The following TRIO variants were observed in gnomAD, a reference collection of about 807,000 sequenced individuals.
TRIO encodes trio Rho guanine nucleotide exchange factor, also known as triple functional domain protein.
Under a neutral mutation model 351.9 loss-of-function variants are expected in TRIO, and 58 were observed. The ratio of observed to expected loss-of-function variants is 0.16; its 90% CI spans 0.13 to 0.21. The LOEUF is 0.21. TRIO is among the 10% of genes least tolerant of loss of function. The pLI is 1.00. For missense variants in TRIO, 3,201 were observed against 4,027.8 expected (o/e 0.79, Z 5.56); for synonymous variants, 1,758 against 1,595.7 (o/e 1.10, Z -2.42).
chr5:14,239,558 G>A (rs58416714), intron 1 of TRIO, among the ~76,000 whole-genome samples: 1 of 152,160 alleles, frequency 6.6e-6, no homozygotes, highest in East Asian at 1.9e-4. Context: ...TTTGATCCTC[G>A]CTGACCTCAT....
intron 1 of TRIO, among the ~76,000 whole-genome samples, chr5:14,241,523 T>C (rs1396713410): frequency 6.6e-6 from 1 of 152,220 alleles, no homozygotes; most frequent in Non-Finnish European, 1.5e-5. Flanking sequence ...GACTAAAACA[T>C]GTGCTTTAAA....
chr5:14,398,738 A>ACCC (rs1747821636), intron 29 of TRIO, 142 bp from the exon 30 acceptor site: 1 of 723,324 alleles, frequency 1.4e-6, no homozygotes, highest in African/African-American at 1.8e-5. Flanking sequence ...AGTGGCGTCG[A>ACCC]GTCAGGATCA....
At chr5:14,254,828 CT>C (rs1049219064) in intron 1 of TRIO, among the ~76,000 whole-genome samples, 1 of 152,178 alleles carries the variant, frequency 6.6e-6, no homozygotes, top group Non-Finnish European at 1.5e-5. Flanking sequence ...ACCCAGACCA[CT>C]TGGAGGTTGG....
At position 14,409,562 on chromosome 5, in the gene TRIO, C is replaced by T. The variant is rs536739913; in HGVS notation, c.4959+2890C>T. Among the ~76,000 whole-genome samples the T allele has an allele frequency of 4.0e-5, 6 of 151,828 alleles. 1 individual carries two copies. The highest frequency in any genetic ancestry group is 2.1e-4 in the South Asian group (1 of 4,790). On this transcript the variant is annotated intron_variant, in intron 33 of 56. Transcript: ENST00000344204. ...ATCCCTGAAGGGTCGGCTGAGCACG[C>T]GGTGGCTCACGCCTGTAATCCCAGC...
intron 11 of TRIO, among the ~76,000 whole-genome samples, chr5:14,342,154 G>A (rs1039896072): frequency 3.9e-5 from 6 of 152,204 alleles, no homozygotes; most frequent in South Asian, 2.1e-4. Context: ...CACTGGGGCC[G>A]GGGGAGGGTT....
chr5:14,311,891 C>T (rs1738962020), intron 8 of TRIO, among the ~76,000 whole-genome samples: 1 of 152,090 alleles, frequency 6.6e-6, no homozygotes, highest in Admixed American at 6.6e-5. Flanking sequence ...TGTATTTTGC[C>T]TGTTTTTGTT....
At chr5:14,346,212 G>A (rs1332526661) in intron 11 of TRIO, among the ~76,000 whole-genome samples, 2 of 152,172 alleles carry the variant, frequency 1.3e-5, no homozygotes, top group Non-Finnish European at 2.9e-5. Context: ...GATCAAGGAA[G>A]GGTTGAGCTT....
chr5:14,180,100 CAAAAAAAAAA>C (rs70964542), intron 1 of TRIO, among the ~76,000 whole-genome samples: 15 of 27,746 alleles, frequency 5.4e-4, no homozygotes, highest in African/African-American at 1.4e-3. Flanking sequence ...GACTCCTGCT[CAAAAAAAAAA>C]AAAAAAAAAA....
chr5:14,375,891 T>G (rs1745517875), intron 19 of TRIO, among the ~76,000 whole-genome samples: 1 of 152,230 alleles, frequency 6.6e-6, no homozygotes, highest in South Asian at 2.1e-4. Flanking sequence ...TTTTAATTTA[T>G]CTCACTGTGC....
intron 1 of TRIO, among the ~76,000 whole-genome samples, chr5:14,232,170 G>T (rs1307482257): frequency 6.6e-6 from 1 of 152,138 alleles, no homozygotes; most frequent in Non-Finnish European, 1.5e-5. Flanking sequence ...GCTGGTAGGG[G>T]CAGAGTTTGT....
chr5:14,225,788 T>TTCCCCCCCCC (rs1792956751), intron 1 of TRIO, among the ~76,000 whole-genome samples: 3 of 45,960 alleles, frequency 6.5e-5, no homozygotes, highest in African/African-American at 7.3e-5. Flanking sequence ...TATTCACTGC[T>TTCCCCCCCCC]CCCACCCCCC....
chr5:14,211,964 C>A (rs72742602), intron 1 of TRIO, among the ~76,000 whole-genome samples: 51 of 148,338 alleles, frequency 3.4e-4, no homozygotes, highest in South Asian at 6.4e-4. Context: ...AAAAAAAAAC[C>A]AAAAAAACAA....
chr5:14,498,558 C>T lies in TRIO; in HGVS notation c.8250C>T (p.Thr2750=). Residue 2750 remains threonine (T), a synonymous_variant, in exon 53 of 57, where the codon ACC becomes ACT. Transcript: ENST00000344204. ...GEATLKIVGV[T]TEDDGIYTCI... ...CCACGCTGAAGATTGTGGGCGTGAC[C>T]ACGGAAGATGACGGCATCTACACGT... 1 of 1,613,732 alleles carries T rather than the reference C, an allele frequency of 6.2e-7. No homozygotes were observed. The highest frequency in any genetic ancestry group is 8.5e-7 in the Non-Finnish European group (1 of 1,179,870).
chr5:14,357,234 G>A (rs188752639), intron 11 of TRIO, among the ~76,000 whole-genome samples: 1 of 152,310 alleles, frequency 6.6e-6, no homozygotes, highest in Admixed American at 6.5e-5. Context: ...GGGAGGTCCC[G>A]ACTTGCCCCA....
At chr5:14,493,704 A>G (rs1756663653) in intron 49 of TRIO, among the ~76,000 whole-genome samples, 1 of 152,262 alleles carries the variant, frequency 6.6e-6, no homozygotes, top group South Asian at 2.1e-4. Context: ...ACTTTAAATC[A>G]AAAGCCAGAA....
At chr5:14,242,878 A>G (rs1268784597) in intron 1 of TRIO, among the ~76,000 whole-genome samples, 1 of 152,220 alleles carries the variant, frequency 6.6e-6, no homozygotes, top group Non-Finnish European at 1.5e-5. Context: ...TGGAGGATAA[A>G]CCAGAAATGG....
At chr5:14,193,533 T>C (rs1790573741) in intron 1 of TRIO, among the ~76,000 whole-genome samples, 1 of 152,208 alleles carries the variant, frequency 6.6e-6, no homozygotes, top group Non-Finnish European at 1.5e-5. Context: ...ATGTTCAAAA[T>C]AGTGTTTTCA....
chr5:14,235,176 T>G (rs1305967508), intron 1 of TRIO, among the ~76,000 whole-genome samples: 2 of 152,192 alleles, frequency 1.3e-5, no homozygotes, highest in Admixed American at 1.3e-4. Context: ...TTACTCAAAA[T>G]ATAAGGGAAA....
intron 1 of TRIO, among the ~76,000 whole-genome samples, chr5:14,169,115 A>G (rs1788949117): frequency 6.6e-6 from 1 of 151,842 alleles, no homozygotes; most frequent in African/African-American, 2.4e-5. Flanking sequence ...TGTGTTGGAC[A>G]GAATTAAAGG....
Sources: allele counts gnomAD v4.1 joint callset (sites outside exome capture counted in the v4.1 genomes callset), GRCh38; gene constraint gnomAD v4.1.1; transcripts MANE v1.5; gene names NCBI Gene and HGNC (gene_info 2026-07-23, HGNC 2026-07-21).